KCNAB1: variants seen among roughly 807,000 people sequenced by gnomAD.
KCNAB1 encodes potassium voltage-gated channel subfamily A regulatory beta subunit 1, also known as voltage-gated potassium channel subunit beta-1.
KCNAB1 carries 35 observed loss-of-function variants against 64.6 expected under a neutral mutation model. That is an observed-to-expected ratio of 0.54 (90% confidence interval 0.41 to 0.72). The LOEUF (loss-of-function observed/expected upper bound fraction) is 0.72. KCNAB1 is among the 30% of genes least tolerant of loss of function. KCNAB1 has a pLI of 0.00. For missense variants in KCNAB1, 401 were observed against 512.9 expected, an observed-to-expected ratio of 0.78 and a Z score of 2.11; for synonymous variants, 177 against 183.8, an observed-to-expected ratio of 0.96 and a Z score of 0.30.
intron 1 of KCNAB1, among the ~76,000 whole-genome samples, chr3:156,278,921 A>T (rs1576670828): frequency 6.6e-6 from 1 of 152,234 alleles, no homozygotes; most frequent in East Asian, 1.9e-4. Flanking sequence ...GAATGTAAAC[A>T]AATTTGGGAA....
intron 1 of KCNAB1, among the ~76,000 whole-genome samples, chr3:156,261,623 C>T (rs1718435222): frequency 6.6e-6 from 1 of 151,962 alleles, no homozygotes; most frequent in South Asian, 2.1e-4. Flanking sequence ...TTGCCAATAC[C>T]ACACTCTGTT....
chr3:156,500,083 G>A (rs1330896103), intron 8 of KCNAB1, among the ~76,000 whole-genome samples: 1 of 152,202 alleles, frequency 6.6e-6, no homozygotes, highest in Non-Finnish European at 1.5e-5. Flanking sequence ...TAAGCTAAAT[G>A]ATCCTTTTGT....
intron 1 of KCNAB1, among the ~76,000 whole-genome samples, chr3:156,296,459 ACTC>A (rs1265050656): frequency 1.1e-5 from 1 of 94,244 alleles, no homozygotes; most frequent in Non-Finnish European, 1.9e-5. Context: ...AAAAACTTCA[ACTC>A]CCCCCCCCCC....
chr3:156,280,192 C>A (rs1345296129), intron 1 of KCNAB1, among the ~76,000 whole-genome samples: 1 of 150,600 alleles, frequency 6.6e-6, no homozygotes, highest in Non-Finnish European at 1.5e-5. Flanking sequence ...GTATGGCTAG[C>A]CAGTTTTCCC....
intron 1 of KCNAB1, among the ~76,000 whole-genome samples, chr3:156,124,107 C>G (rs1713505938): frequency 6.6e-6 from 1 of 151,530 alleles, no homozygotes; most frequent in South Asian, 2.1e-4. Flanking sequence ...AGCCATTCTT[C>G]TTTTATATAC....
At chr3:156,386,566 G>C (rs554873310) in intron 1 of KCNAB1, among the ~76,000 whole-genome samples, 8 of 152,284 alleles carry the variant, frequency 5.3e-5, no homozygotes, top group African/African-American at 1.9e-4. Flanking sequence ...ATCACTTTTA[G>C]AGAGGCAATG....
intron 2 of KCNAB1, among the ~76,000 whole-genome samples, chr3:156,425,121 G>A (rs1329052629): frequency 6.6e-6 from 1 of 152,134 alleles, no homozygotes; most frequent in Non-Finnish European, 1.5e-5. Context: ...AATGGAGCTG[G>A]GTTTACTGCT....
chr3:156,192,836 A>G (rs1241736128), intron 1 of KCNAB1, among the ~76,000 whole-genome samples: 2 of 152,118 alleles, frequency 1.3e-5, no homozygotes, highest in Non-Finnish European at 2.9e-5. Flanking sequence ...TTATGATAGT[A>G]AATATTTTTC....
chr3:156,375,173 C>A (rs1250091316), intron 1 of KCNAB1, among the ~76,000 whole-genome samples: 9 of 135,662 alleles, frequency 6.6e-5, no homozygotes, highest in Non-Finnish European at 1.2e-4. Flanking sequence ...CATAGTCCAA[C>A]TTTCTTCAAA....
chr3:156,451,375 T>C (rs1343973798), intron 2 of KCNAB1, among the ~76,000 whole-genome samples: 2 of 152,216 alleles, frequency 1.3e-5, no homozygotes, highest in African/African-American at 4.8e-5. Context: ...TCCTATGGAA[T>C]ATGAACTCTA....
intron 1 of KCNAB1, among the ~76,000 whole-genome samples, chr3:156,301,455 T>C (rs1721149751): frequency 6.6e-6 from 1 of 152,190 alleles, no homozygotes; most frequent in Non-Finnish European, 1.5e-5. Context: ...CTGAAAATGT[T>C]CAGAAGAAAT....
chr3:156,148,724 T>C (rs1408875591), intron 1 of KCNAB1, among the ~76,000 whole-genome samples: 1 of 152,266 alleles, frequency 6.6e-6, no homozygotes, highest in Non-Finnish European at 1.5e-5. Context: ...CACTTAGGCA[T>C]CTTTAGCATT....
chr3:156,469,419 G>A (rs957849794), intron 7 of KCNAB1, among the ~76,000 whole-genome samples: 1 of 151,796 alleles, frequency 6.6e-6, no homozygotes, highest in Non-Finnish European at 1.5e-5. Context: ...ACCGTGCCCA[G>A]CTAATTTTTT....
At chr3:156,146,481 G>T (rs1715045395) in intron 1 of KCNAB1, among the ~76,000 whole-genome samples, 1 of 152,156 alleles carries the variant, frequency 6.6e-6, no homozygotes, top group African/African-American at 2.4e-5. Flanking sequence ...TATCTAGACT[G>T]AGTTAAGATG....
chr3:156,515,354 G>A, intron 10 of KCNAB1, 134 bp downstream of exon 10: 1 of 763,218 alleles, frequency 1.3e-6, no homozygotes, highest in East Asian at 3.0e-5. Context: ...TAAGAACCAT[G>A]CATTCCAGAG....
At chr3:156,374,278 C>T (rs1332799807) in intron 1 of KCNAB1, among the ~76,000 whole-genome samples, 1 of 152,118 alleles carries the variant, frequency 6.6e-6, no homozygotes, top group African/African-American at 2.4e-5. Flanking sequence ...CTTTCCTGTT[C>T]TTAGACTCTT....
chr3:156,273,608 A>G (rs987753037), intron 1 of KCNAB1: 1 of 456,582 alleles, frequency 2.2e-6, no homozygotes. Context: ...GAAGGGTGGC[A>G]TCGGCAATTC....
chr3:156,394,300 A>G (rs1407349341), intron 1 of KCNAB1, among the ~76,000 whole-genome samples: 2 of 152,224 alleles, frequency 1.3e-5, no homozygotes, highest in Non-Finnish European at 2.9e-5. Context: ...GGGAACTGGC[A>G]TAAGTCAAGT....
chr3:156,336,060 A>G (rs1246472311), intron 1 of KCNAB1, among the ~76,000 whole-genome samples: 3 of 152,170 alleles, frequency 2.0e-5, no homozygotes, highest in Non-Finnish European at 2.9e-5. Context: ...GGAATCTAGA[A>G]CATATTTAAA....
Sources: gnomAD v4.1 joint callset for allele counts (sites outside exome capture counted in the v4.1 genomes callset) on GRCh38, gnomAD v4.1.1 for gene constraint, MANE v1.5 for transcripts, NCBI Gene and HGNC (gene_info 2026-07-23, HGNC 2026-07-21) for gene names.